CCDC171: variants seen among roughly 807,000 people sequenced by gnomAD.
The protein encoded by CCDC171 is coiled-coil domain containing 171.
In CCDC171, 177 loss-of-function variants were observed where a neutral mutation model predicts 168.2. The observed-to-expected ratio is 1.05, with a 90% CI of 0.93 to 1.19. The LOEUF (loss-of-function observed/expected upper bound fraction) is 1.19. Ranked by LOEUF, CCDC171 falls within the 50% of genes most tolerant of loss-of-function variation. The pLI is 0.00. For missense variants in CCDC171, 1,991 were observed against 1,539.0 expected (o/e 1.29, Z -4.91); for synonymous variants, 687 against 540.8 (o/e 1.27, Z -3.75).
chr9:15,728,622 C>T (rs1388036625), intron 15 of CCDC171, among the ~76,000 whole-genome samples: 2 of 152,058 alleles, frequency 1.3e-5, no homozygotes, highest in Non-Finnish European at 2.9e-5. Flanking sequence ...ATTACTATCT[C>T]ACAAGTCTAG....
At chr9:15,726,946 G>T (rs2053846025) in intron 14 of CCDC171, among the ~76,000 whole-genome samples, 1 of 152,076 alleles carries the variant, frequency 6.6e-6, no homozygotes, top group South Asian at 2.1e-4. Context: ...CTTATAAAGA[G>T]AGCTATTTGA....
the CCDC171 span, among the ~76,000 whole-genome samples, chr9:16,083,189 A>G: frequency 2.0e-5 from 3 of 152,208 alleles, no homozygotes; most frequent in African/African-American, 7.2e-5. Context: ...TATGTTGAGA[A>G]TGTTCCTATT....
intron 9 of CCDC171, among the ~76,000 whole-genome samples, chr9:15,678,060 C>CCACTGTG (rs1454941256): frequency 1.3e-5 from 2 of 150,088 alleles, no homozygotes; most frequent in Non-Finnish European, 3.0e-5. Context: ...CAGACACACA[C>CCACTGTG]CACTGTGCTC....
chr9:16,048,845 T>C (rs1221600814), intron 1 of CCDC171, among the ~76,000 whole-genome samples: 2 of 151,584 alleles, frequency 1.3e-5, no homozygotes, highest in Admixed American at 6.6e-5. Flanking sequence ...TAGTAAACGC[T>C]GTGGACAGGC....
chr9:15,749,208 A>T (rs2055535648), intron 18 of CCDC171, among the ~76,000 whole-genome samples: 1 of 152,140 alleles, frequency 6.6e-6, no homozygotes, highest in African/African-American at 2.4e-5. Flanking sequence ...ACCAACAAAG[A>T]TCGAAAGAGA....
chr9:15,769,148 T>C (rs1276665221), intron 18 of CCDC171, among the ~76,000 whole-genome samples: 1 of 152,246 alleles, frequency 6.6e-6, no homozygotes, highest in Non-Finnish European at 1.5e-5. Flanking sequence ...AAATATTGAA[T>C]AACATTGCAG....
the CCDC171 span, among the ~76,000 whole-genome samples, chr9:16,107,643 AGT>A: frequency 6.6e-6 from 1 of 152,184 alleles, no homozygotes; most frequent in Non-Finnish European, 1.5e-5. Context: ...TATACATGTA[AGT>A]GTTTTTTTCT....
the CCDC171 span, among the ~76,000 whole-genome samples, chr9:16,105,497 T>A: frequency 6.6e-6 from 1 of 152,140 alleles, no homozygotes; most frequent in South Asian, 2.1e-4. Context: ...AAATTCAAAG[T>A]GGACATCAGA....
chr9:16,100,241 C>A, the CCDC171 span, among the ~76,000 whole-genome samples: 4 of 152,082 alleles, frequency 2.6e-5, no homozygotes, highest in Non-Finnish European at 1.5e-5. Context: ...AGGGAAGCAG[C>A]AAAATGATGA....
intron 11 of CCDC171, among the ~76,000 whole-genome samples, chr9:15,708,182 T>G (rs2052390269): frequency 6.6e-6 from 1 of 152,262 alleles, no homozygotes; most frequent in Admixed American, 6.5e-5. Flanking sequence ...CGTGCCTATG[T>G]TGTTATTTAT....
At chr9:16,012,835 G>C (rs943362682) in intron 3 of CCDC171, among the ~76,000 whole-genome samples, 1 of 152,140 alleles carries the variant, frequency 6.6e-6, no homozygotes, top group South Asian at 2.1e-4. Flanking sequence ...GCATTGCTGT[G>C]CATGGGTGGA....
At chr9:15,977,292 C>G (rs528122942), downstream of CCDC171, among the ~76,000 whole-genome samples, 2 of 152,172 alleles carry the variant, frequency 1.3e-5, 1 homozygote, top group South Asian at 4.1e-4. Context: ...GTCTCCCTAA[C>G]TGTATCTTGT....
chr9:15,941,542 A>T (rs1191525071), intron 25 of CCDC171, among the ~76,000 whole-genome samples: 1 of 152,000 alleles, frequency 6.6e-6, no homozygotes, highest in African/African-American at 2.4e-5. Flanking sequence ...TCTTCAACAG[A>T]TCCACAAGTT....
the CCDC171 span, among the ~76,000 whole-genome samples, chr9:16,093,948 G>C: frequency 6.6e-6 from 1 of 152,190 alleles, no homozygotes; most frequent in Non-Finnish European, 1.5e-5. Flanking sequence ...CCCCCACTGA[G>C]TGCTCCCCGT....
intron 7 of CCDC171, among the ~76,000 whole-genome samples, chr9:15,629,435 A>G (rs2045482380): frequency 6.6e-6 from 1 of 152,220 alleles, no homozygotes; most frequent in Admixed American, 6.5e-5. Context: ...CAGTGATTGA[A>G]GATCAAATGA....
intron 25 of CCDC171, among the ~76,000 whole-genome samples, chr9:15,935,715 C>G (rs1589171214): frequency 1.3e-5 from 2 of 151,924 alleles, no homozygotes; most frequent in Admixed American, 1.3e-4. Flanking sequence ...AGGAGTATTT[C>G]CTTTTTTTAT....
chr9:15,636,040 T>A (rs914015803), intron 7 of CCDC171, among the ~76,000 whole-genome samples: 10 of 152,320 alleles, frequency 6.6e-5, no homozygotes, highest in African/African-American at 2.4e-4. Flanking sequence ...TGATGATTGA[T>A]GATGTTGAAT....
chr9:16,070,255 A>T, the CCDC171 span, among the ~76,000 whole-genome samples: 1 of 152,110 alleles, frequency 6.6e-6, no homozygotes, highest in East Asian at 1.9e-4. Context: ...CCCCGGCCGG[A>T]CTGGAATTCT....
chr9:15,747,868 G>T (rs1225147242), intron 18 of CCDC171, among the ~76,000 whole-genome samples: 2 of 152,148 alleles, frequency 1.3e-5, no homozygotes, highest in Non-Finnish European at 2.9e-5. Flanking sequence ...CTCCTCACCA[G>T]CAAGGGAACA....
Sources: allele counts gnomAD v4.1 joint callset (sites outside exome capture counted in the v4.1 genomes callset), GRCh38; gene constraint gnomAD v4.1.1; transcripts MANE v1.5; gene names NCBI Gene and HGNC (gene_info 2026-07-23, HGNC 2026-07-21).